Variants in SH3TC2 observed in about 807,000 individuals in gnomAD.
SH3TC2 encodes SH3 domain and tetratricopeptide repeat-containing protein 2.
A neutral mutation model predicts 124.5 loss-of-function variants in SH3TC2; 87 were observed. The ratio of observed to expected loss-of-function variants is 0.70; its 90% confidence interval spans 0.59 to 0.84. The LOEUF is 0.84. SH3TC2 is among the 40% of genes least tolerant of loss of function. The pLI, the probability that SH3TC2 is intolerant of heterozygous loss-of-function variation, is 0.00. For missense variants in SH3TC2, 1,536 were observed against 1,566.4 expected (o/e 0.98, Z 0.33); for synonymous variants, 634 against 628.5 (o/e 1.01, Z -0.13).
rs576648265 is a variant in SH3TC2 at position 149,007,280 on chromosome 5, A to T, written c.3479-203T>A. ...ACATTCCTTAAATAATCCCACAAACAAATGTAACATTACACATGTCATAAA... is the reference window on the plus strand; with the variant it reads ...ACATTCCTTAAATAATCCCACAAACTAATGTAACATTACACATGTCATAAA... On this transcript the variant is annotated intron_variant, in intron 15 of 16. Transcript: ENST00000515425. 9.7e-5 allele frequency: 64 copies of T among 656,630 alleles called. No homozygotes were observed. In the African/African-American group the frequency reaches 1.0e-3, roughly 10 times the overall value. 40.7% of individuals were successfully genotyped at this position (656,630 alleles called of 1,614,324 possible).
In SH3TC2 at chr5:148,984,722, C is replaced by T. The variant is rs560779315; in HGVS notation, c.*19989G>A. ...TTAGATGTTTAGTGGGTATTCCAACCCTCAAAGAGCTGTGCTTGGTGCTGT... is the reference window on the plus strand; with the variant it reads ...TTAGATGTTTAGTGGGTATTCCAACTCTCAAAGAGCTGTGCTTGGTGCTGT... On this transcript the variant is annotated 3_prime_UTR_variant, in exon 17 of 17. Transcript: ENST00000515425. Among the ~76,000 whole-genome samples the T allele has an allele frequency of 1.2e-4, 18 of 152,176 alleles. No homozygotes were observed. The highest frequency in any genetic ancestry group is 2.2e-4 in the Non-Finnish European group (15 of 68,008).
At chr5:149,034,616 C>T (rs1754253347) in intron 8 of SH3TC2, 1 of 218,220 alleles carries the variant, frequency 4.6e-6, no homozygotes. Flanking sequence ...TCCTACGCCT[C>T]CTTTCTTGGT....
intron 15 of SH3TC2, 140 bp from the exon 16 acceptor site, chr5:149,007,217 G>GTGTACTCATAA (rs1753706334): frequency 1.3e-6 from 1 of 757,598 alleles, no homozygotes; most frequent in African/African-American, 1.7e-5. Flanking sequence ...GACAGAAGAG[G>GTGTACTCATAA]TGCCTGTACT....
intron 12 of SH3TC2, among the ~76,000 whole-genome samples, chr5:149,015,877 T>C (rs1456209512): frequency 6.6e-6 from 1 of 152,182 alleles, no homozygotes; most frequent in East Asian, 1.9e-4. Context: ...GATGTGTACT[T>C]TCAGTATACA....
At position 149,044,583 on chromosome 5, in the gene SH3TC2, G is replaced by A. The variant is rs764074462; in HGVS notation, c.335C>T (p.Thr112Ile). 2 of 1,613,962 alleles carry A rather than the reference G, an allele frequency of 1.2e-6. No individual in the cohort carries two copies. Among genetic ancestry groups the A allele is most frequent in the Non-Finnish European group, 1.7e-6 (2 of 1,179,994 alleles). The change falls in exon 4 of 17, where the codon ACC (threonine) becomes ATC (isoleucine). Residue 112 changes from threonine to isoleucine, a missense_variant. Coordinates refer to ENST00000515425, the MANE Select transcript of SH3TC2 (RefSeq NM_024577.4). Reference sequence around the variant, plus strand: ...CCAGATTTCCTCCATGGTCTTGAAGGTGATGAGAAACTGGGCCCTCTGAGA... The same window carrying A: ...CCAGATTTCCTCCATGGTCTTGAAGATGATGAGAAACTGGGCCCTCTGAGA... ...IQSQRAQFLI[T>I]FKTMEEIWKF...
chr5:149,024,845 A>G lies in SH3TC2; in HGVS notation c.3053+1727T>C, dbSNP rs533791347. Among the ~76,000 whole-genome samples, 6 of 152,290 alleles carry G rather than the reference A, an allele frequency of 3.9e-5. No homozygotes were observed. The South Asian group carries it at 1.0e-3, about 26-fold the overall frequency. On this transcript the variant is annotated intron_variant, in intron 12 of 16. Coordinates refer to ENST00000515425, the MANE Select transcript of SH3TC2 (RefSeq NM_024577.4). ...TCTGTGGTCCATGCTGACAGCATCC[A>G]GGGCCTTCTCTCTGGCTTCCCCCTT...
rs960182524 is a variant in SH3TC2 at position 148,988,635 on chromosome 5, C to T, written c.*16076G>A. ...CCAACTGCAAGCATCAACTGTTAGCCCCGTGAGGAAGCCATCTTCGATGCC... is the reference window on the plus strand; with the variant it reads ...CCAACTGCAAGCATCAACTGTTAGCTCCGTGAGGAAGCCATCTTCGATGCC... On this transcript the variant is annotated 3_prime_UTR_variant, in exon 17 of 17. Transcript: ENST00000515425. 6.6e-6 allele frequency among the ~76,000 whole-genome samples: 1 copy of T among 152,176 alleles called. No individual in the cohort carries two copies. Among genetic ancestry groups the T allele is most frequent in the African/African-American group, 2.4e-5 (1 of 41,442 alleles).
Position 148,995,907 on chromosome 5 carries a change from C to A in SH3TC2, c.*8804G>T, listed in dbSNP as rs541067396. 6.6e-6 allele frequency among the ~76,000 whole-genome samples: 1 copy of A among 151,912 alleles called. No homozygotes were observed. The highest frequency in any genetic ancestry group is 2.4e-5 in the African/African-American group (1 of 41,340). On this transcript the variant is annotated 3_prime_UTR_variant, in exon 17 of 17. Coordinates refer to ENST00000515425, the MANE Select transcript of SH3TC2 (RefSeq NM_024577.4). ...GGAAAAGTACAGGGACAAATGAGCACAAGCAAAAGGGAGATGCTAAGGACA... is the reference window on the plus strand; with the variant it reads ...GGAAAAGTACAGGGACAAATGAGCAAAAGCAAAAGGGAGATGCTAAGGACA...
rs916921007 is a variant in SH3TC2 at position 148,995,228 on chromosome 5, T to A, written c.*9483A>T. Among the ~76,000 whole-genome samples the A allele has an allele frequency of 1.3e-5, 2 of 152,220 alleles. No individual in the cohort carries two copies. Among genetic ancestry groups the A allele is most frequent in the African/African-American group, 4.8e-5 (2 of 41,450 alleles). On this transcript the variant is annotated 3_prime_UTR_variant, in exon 17 of 17. Coordinates refer to ENST00000515425, the MANE Select transcript of SH3TC2 (RefSeq NM_024577.4). ...AAAACGTGTATCAGAATTACATAAT[T>A]ATATAAAGCACTGATTTTCCAGGTC...
At chr5:149,055,061 CA>C (rs927330918) in intron 1 of SH3TC2, among the ~76,000 whole-genome samples, 26 of 149,552 alleles carry the variant, frequency 1.7e-4, no homozygotes, top group South Asian at 1.7e-3. Flanking sequence ...GATATCTATG[CA>C]AAAAAAAACT....
intron 13 of SH3TC2, among the ~76,000 whole-genome samples, chr5:149,011,894 A>G (rs1019584420): frequency 1.3e-5 from 2 of 152,228 alleles, no homozygotes; most frequent in Non-Finnish European, 2.9e-5. Context: ...TGTATTAAAC[A>G]TTTACTAAGT....
At chr5:149,013,523 A>G (rs944325100) in intron 12 of SH3TC2, among the ~76,000 whole-genome samples, 1 of 152,238 alleles carries the variant, frequency 6.6e-6, no homozygotes, top group Non-Finnish European at 1.5e-5. Context: ...ATGCATACCT[A>G]TTGAGTGAAT....
chr5:149,010,532 C>G (rs538094942), intron 13 of SH3TC2, 140 bp from the exon 14 acceptor site: 95 of 1,130,272 alleles, frequency 8.4e-5, no homozygotes, highest in Non-Finnish European at 1.1e-4. Flanking sequence ...TCTTCACACT[C>G]CTAGGGCTGG....
chr5:149,042,655 C>A (rs778018908), intron 5 of SH3TC2, 39 bp downstream of exon 5: 1 of 1,613,182 alleles, frequency 6.2e-7, no homozygotes, highest in East Asian at 2.2e-5. Context: ...TAGCAAATAT[C>A]TGAATAAGAT....
At chr5:149,023,252 A>G (rs947936519) in intron 12 of SH3TC2, among the ~76,000 whole-genome samples, 1 of 152,232 alleles carries the variant, frequency 6.6e-6, no homozygotes, top group African/African-American at 2.4e-5. Context: ...GCCTGACACA[A>G]TGGAAGGGCT....
rs1753595556 is a variant in SH3TC2, at chr5:149,001,420, A to G, written c.*3291T>C. On this transcript the variant is annotated 3_prime_UTR_variant, in exon 17 of 17. Transcript: ENST00000515425. The stretch of plus-strand genomic sequence containing the variant: ...AGTCACACAGCCCATATAAGATTTG[A>G]GGGAACAATTAGAATAAAGAGGGTA... 1 of 152,138 alleles carries G rather than the reference A, an allele frequency of 6.6e-6. No individual in the cohort carries two copies. Among genetic ancestry groups the G allele is most frequent in the Non-Finnish European group, 1.5e-5 (1 of 68,026 alleles). 9.4% of individuals were successfully genotyped at this position (152,138 alleles called of 1,614,324 possible).
chr5:149,021,696 C>T (rs1753972162), intron 12 of SH3TC2, among the ~76,000 whole-genome samples: 1 of 151,646 alleles, frequency 6.6e-6, no homozygotes, highest in Middle Eastern at 3.2e-3. Flanking sequence ...ACAAAAACTA[C>T]CAAAACTGCT....
chr5:149,026,687 A>G lies in SH3TC2; in HGVS notation c.2938T>C (p.Cys980Arg). The part of the protein sequence containing the change: ...YSSVSPNPEA[C>R]ITYHEHWLAL... ...AGCCAGTGCTCATGGTAGGTGATGC[A>G]TGCCTCAGGGTTTGGGGACACAGAG... The change falls in exon 12 of 17, where the codon TGC (cysteine) becomes CGC (arginine). Residue 980 changes from cysteine to arginine, a missense_variant. Cys to Arg is a radical substitution (Grantham distance 180, BLOSUM62 -3). Around this residue, in one of 3 missense-constraint regions of SH3TC2, gnomAD observed 426 missense variants for 443.5 expected, o/e 0.96. Transcript: ENST00000515425. The G allele has an allele frequency of 6.2e-7, 1 of 1,614,182 alleles. No individual in the cohort carries two copies. Among genetic ancestry groups the G allele is most frequent in the South Asian group, 1.1e-5 (1 of 91,086 alleles).
At position 149,010,434 on chromosome 5, in the gene SH3TC2, C is replaced by T. The variant is rs758079823; in HGVS notation, c.3205-42G>A. ...CAGCTGTTAAAGGCAGAGAGGAGGG[C>T]TTCCTGACCTCCACAGGACTGGCAG... is the stretch of plus-strand genomic sequence containing the variant. On this transcript the variant is annotated intron_variant, in intron 13 of 16. Coordinates refer to ENST00000515425, the MANE Select transcript of SH3TC2 (RefSeq NM_024577.4). 16 of 1,611,938 alleles carry T rather than the reference C, an allele frequency of 9.9e-6. No individual in the cohort carries two copies. In the East Asian group the frequency reaches 3.3e-4, roughly 34 times the overall value.
Sources: allele counts gnomAD v4.1 joint callset (sites outside exome capture counted in the v4.1 genomes callset), GRCh38; gene constraint gnomAD v4.1.1; regional missense constraint gnomAD v4.1.1; transcripts MANE v1.5; gene names NCBI Gene and HGNC (gene_info 2026-07-23, HGNC 2026-07-21).